The following EHMT1 variants were observed in gnomAD, a reference collection of about 807,000 sequenced individuals.
EHMT1 encodes euchromatic histone lysine methyltransferase 1, also known as histone-lysine N-methyltransferase EHMT1.
EHMT1 carries 15 observed loss-of-function variants against 147.2 expected under a neutral mutation model. The observed-to-expected ratio is 0.10, with a 90% CI of 0.07 to 0.16. The LOEUF (loss-of-function observed/expected upper bound fraction) is 0.16, where lower values mean the gene tolerates loss of function less well. Among genes scored for constraint, EHMT1 ranks in the 10% least tolerant of loss-of-function variants. EHMT1 has a pLI of 1.00. For synonymous variants in EHMT1, 795 were observed against 709.6 expected (o/e 1.12, Z -1.91); for missense variants, 1,587 against 1,772.4 (o/e 0.90, Z 1.88).
chr9:137,788,342 G>T, intron 15 of EHMT1: 1 of 369,838 alleles, frequency 2.7e-6, no homozygotes, highest in South Asian at 8.4e-5. Context: ...GGACGTTGGC[G>T]AAGGCTCCAC....
At chr9:137,816,578 C>T (rs922717337) in intron 23 of EHMT1, 8 of 179,422 alleles carry the variant, frequency 4.5e-5, no homozygotes, top group Non-Finnish European at 7.2e-5. Context: ...GGTCCCCTGA[C>T]CGCCCAGCAG....
At chr9:137,834,273 T>G (rs1956439953) in intron 25 of EHMT1, 76 bp from the exon 26 acceptor site, 1 of 1,584,504 alleles carries the variant, frequency 6.3e-7, no homozygotes, top group African/African-American at 1.3e-5. Flanking sequence ...GGGACTGCCA[T>G]GCATGGCCGT....
Position 137,834,353 on chromosome 9 carries a change from G to C in EHMT1, c.3545G>C (p.Gly1182Ala), listed in dbSNP as rs752220710. The C allele has an allele frequency of 1.9e-6, 3 of 1,612,914 alleles. No individual in the cohort carries two copies. The highest frequency in any genetic ancestry group is 1.1e-5 in the South Asian group (1 of 91,090). The change falls in exon 26 of 27, where the codon GGG (glycine) becomes GCG (alanine). Residue 1182 changes from glycine to alanine, a missense_variant. This residue lies in a region of EHMT1 where 156 missense variants were observed against 252.5 expected (regional missense o/e 0.62). Coordinates refer to ENST00000460843, the MANE Select transcript of EHMT1 (RefSeq NM_024757.5). ...SYLFDLDNKD[G>A]EVYCIDARFY... ...TGCCGGCTTCTCGCCCTGCAGGACG[G>C]GGAGGTTTACTGCATCGACGCGCGG...
intron 14 of EHMT1, among the ~76,000 whole-genome samples, chr9:137,780,178 C>A (rs1322335037): frequency 7.5e-6 from 1 of 133,244 alleles, no homozygotes; most frequent in Non-Finnish European, 1.5e-5. Flanking sequence ...GACGGCATCA[C>A]TGAGATGTGT....
intron 25 of EHMT1, among the ~76,000 whole-genome samples, chr9:137,833,886 C>T (rs186162516): frequency 2.0e-4 from 31 of 152,370 alleles, no homozygotes; most frequent in Non-Finnish European, 3.8e-4. Context: ...GGGACTGCTC[C>T]GCCTCCTCGT....
At chr9:137,794,052 T>C (rs181829600) in intron 16 of EHMT1, among the ~76,000 whole-genome samples, 17 of 152,358 alleles carry the variant, frequency 1.1e-4, no homozygotes, top group African/African-American at 3.8e-4. Flanking sequence ...TAGTCTTTCA[T>C]ATTAATACAC....
intron 10 of EHMT1, among the ~76,000 whole-genome samples, chr9:137,768,655 T>C (rs1950398153): frequency 7.2e-6 from 1 of 138,712 alleles, no homozygotes; most frequent in Non-Finnish European, 1.5e-5. Flanking sequence ...GTTCACGCCA[T>C]TCTCCCGCCT....
intron 2 of EHMT1, among the ~76,000 whole-genome samples, chr9:137,712,515 G>A (rs1944836561): frequency 1.3e-5 from 2 of 152,166 alleles, no homozygotes; most frequent in Admixed American, 1.3e-4. Context: ...TGTGGTTTTG[G>A]TTTGCATTTT....
Position 137,632,797 on chromosome 9 carries a change from C to T in EHMT1, c.21+13748C>T, listed in dbSNP as rs1843717683. On this transcript the variant is annotated intron_variant, in intron 1 of 26. Transcript: ENST00000460843. Reference sequence around the variant, plus strand: ...AATGACTGTTCCTTTGATCATATTCCTGGGTATAGCATCACACGGGGCAGG... The same window carrying T: ...AATGACTGTTCCTTTGATCATATTCTTGGGTATAGCATCACACGGGGCAGG... Among the ~76,000 whole-genome samples, 4 of 152,296 alleles carry T rather than the reference C, an allele frequency of 2.6e-5. No homozygotes were observed. The South Asian group carries it at 6.2e-4, about 24-fold the overall frequency.
chr9:137,688,894 C>G (rs1942689600), intron 1 of EHMT1, among the ~76,000 whole-genome samples: 1 of 152,192 alleles, frequency 6.6e-6, no homozygotes, highest in Admixed American at 6.5e-5. Context: ...GTGGTGACCT[C>G]TTCTGAGCTC....
At chr9:137,829,651 A>G (rs539718941) in intron 25 of EHMT1, among the ~76,000 whole-genome samples, 1 of 152,324 alleles carries the variant, frequency 6.6e-6, no homozygotes, top group Admixed American at 6.5e-5. Flanking sequence ...ACATCCCAGA[A>G]GTTTCTTCCT....
intron 6 of EHMT1, among the ~76,000 whole-genome samples, chr9:137,751,235 A>C (rs1047300377): frequency 9.9e-5 from 15 of 152,246 alleles, no homozygotes; most frequent in African/African-American, 1.4e-4. Flanking sequence ...ACAAACCTGG[A>C]AGCCATGAAG....
intron 10 of EHMT1, among the ~76,000 whole-genome samples, chr9:137,765,137 A>G (rs1279893819): frequency 2.0e-5 from 3 of 152,212 alleles, no homozygotes; most frequent in South Asian, 2.1e-4. Context: ...GTTTCATTCA[A>G]AGTTTCAAAA....
chr9:137,696,514 C>A (rs1943405275), intron 1 of EHMT1, among the ~76,000 whole-genome samples: 2 of 152,124 alleles, frequency 1.3e-5, no homozygotes, highest in South Asian at 4.1e-4. Context: ...AGAAGGCAGT[C>A]TTTTGTGTTG....
chr9:137,815,810 G>T (rs1248351555), intron 22 of EHMT1, 137 bp from the exon 23 acceptor site: 17 of 743,048 alleles, frequency 2.3e-5, no homozygotes, highest in Non-Finnish European at 3.6e-5. Context: ...CCCTAGGTGG[G>T]TGTTCAAGTT....
At chr9:137,833,948 GC>G in intron 25 of EHMT1, 1 of 279,892 alleles carries the variant, frequency 3.6e-6, no homozygotes, top group Non-Finnish European at 6.9e-6. Flanking sequence ...GACCCCCTCA[GC>G]CCCTGCCACT....
At chr9:137,630,400 A>G (rs1336825530) in intron 1 of EHMT1, among the ~76,000 whole-genome samples, 3 of 152,214 alleles carry the variant, frequency 2.0e-5, no homozygotes, top group Non-Finnish European at 4.4e-5. Context: ...CTTGAGGAAG[A>G]TGAGTTAGTC....
At chr9:137,644,882 A>T (rs1026659948) in intron 1 of EHMT1, among the ~76,000 whole-genome samples, 28 of 150,632 alleles carry the variant, frequency 1.9e-4, no homozygotes, top group South Asian at 4.2e-4. Context: ...ATTTATTATT[A>T]TTTTTTTTAA....
chr9:137,749,977 C>T (rs1021134370), intron 6 of EHMT1, among the ~76,000 whole-genome samples: 1 of 152,138 alleles, frequency 6.6e-6, no homozygotes, highest in Non-Finnish European at 1.5e-5. Context: ...GACACGAATG[C>T]GGCAGCATTG....
Sources: gnomAD v4.1 joint callset for allele counts (sites outside exome capture counted in the v4.1 genomes callset) on GRCh38, gnomAD v4.1.1 for gene constraint, gnomAD v4.1.1 regional missense constraint, MANE v1.5 for transcripts, NCBI Gene and HGNC (gene_info 2026-07-23, HGNC 2026-07-21) for gene names.